MGAT4C: variants seen among roughly 807,000 people sequenced by gnomAD.
MGAT4C encodes the protein alpha-1,3-mannosyl-glycoprotein 4-beta-N-acetylglucosaminyltransferase C.
Under a neutral mutation model 40.1 loss-of-function variants are expected in MGAT4C, and 19 were observed. The observed-to-expected ratio is 0.47, with a 90% confidence interval of 0.33 to 0.70. MGAT4C has a LOEUF of 0.70. MGAT4C is among the 30% of genes least tolerant of loss of function. The probability of loss-of-function intolerance (pLI) is 0.02; values close to 1 mark genes in which losing one functional copy is unlikely to be tolerated. For synonymous variants in MGAT4C, 181 were observed against 187.1 expected, an observed-to-expected ratio of 0.97 and a Z score of 0.27; for missense variants, 491 against 563.2, an observed-to-expected ratio of 0.87 and a Z score of 1.30.
At chr12:86,605,519 C>T (rs1415443075) in intron 2 of MGAT4C, among the ~76,000 whole-genome samples, 1 of 152,070 alleles carries the variant, frequency 6.6e-6, no homozygotes, top group African/African-American at 2.4e-5. Flanking sequence ...CCATATTTTT[C>T]TGAGAGGTCC....
At chr12:86,175,001 T>C (rs777590842) in intron 1 of MGAT4C, among the ~76,000 whole-genome samples, 4 of 152,052 alleles carry the variant, frequency 2.6e-5, no homozygotes, top group Non-Finnish European at 5.9e-5. Context: ...AGAATTGCCA[T>C]GTATAGCATA....
chr12:86,179,176 G>A (rs1887829677), intron 1 of MGAT4C, among the ~76,000 whole-genome samples: 1 of 152,132 alleles, frequency 6.6e-6, no homozygotes, highest in African/African-American at 2.4e-5. Context: ...GATCTGATGG[G>A]TTTATCAGGG....
At chr12:86,391,741 T>C (rs552443282) in intron 3 of MGAT4C, among the ~76,000 whole-genome samples, 1 of 152,118 alleles carries the variant, frequency 6.6e-6, no homozygotes, top group East Asian at 1.9e-4. Flanking sequence ...GTGCCTGTAG[T>C]CCCAGCTACT....
At chr12:86,625,802 T>C (rs1962785887) in intron 2 of MGAT4C, among the ~76,000 whole-genome samples, 1 of 152,118 alleles carries the variant, frequency 6.6e-6, no homozygotes, top group Non-Finnish European at 1.5e-5. Flanking sequence ...TGGAATTATA[T>C]AAATAATCCT....
chr12:86,617,852 A>C (rs936808421), intron 2 of MGAT4C, among the ~76,000 whole-genome samples: 9 of 152,174 alleles, frequency 5.9e-5, no homozygotes, highest in African/African-American at 2.2e-4. Context: ...TTAAAGCAAA[A>C]AATTTCTGCA....
intron 2 of MGAT4C, among the ~76,000 whole-genome samples, chr12:86,441,062 T>C (rs1362820599): frequency 6.6e-6 from 1 of 152,048 alleles, no homozygotes; most frequent in Non-Finnish European, 1.5e-5. Context: ...ACAGATTCAA[T>C]ACAATTTATA....
At chr12:86,774,343 C>CTT (rs1565981678) in intron 1 of MGAT4C, among the ~76,000 whole-genome samples, 138 of 54,438 alleles carry the variant, frequency 2.5e-3, no homozygotes, top group African/African-American at 3.7e-3. Flanking sequence ...TTCTTTCTGT[C>CTT]TCTCTCTCTC....
At chr12:86,244,654 G>C (rs1248179224) in intron 1 of MGAT4C, among the ~76,000 whole-genome samples, 1 of 152,132 alleles carries the variant, frequency 6.6e-6, no homozygotes, top group Non-Finnish European at 1.5e-5. Flanking sequence ...CACAGAGAAG[G>C]CAATGGTCAA....
intron 2 of MGAT4C, among the ~76,000 whole-genome samples, chr12:86,583,857 C>G (rs555526159): frequency 6.6e-6 from 1 of 150,904 alleles, no homozygotes; most frequent in African/African-American, 2.4e-5. Context: ...TCTTTCTTAA[C>G]GTTTTGCAAT....
chr12:86,723,177 G>C (rs918988181), intron 2 of MGAT4C, among the ~76,000 whole-genome samples: 2 of 152,136 alleles, frequency 1.3e-5, no homozygotes, highest in African/African-American at 4.8e-5. Flanking sequence ...AATGTTGCTA[G>C]TTTCATCGTT....
chr12:86,248,503 T>C (rs1218816222), intron 1 of MGAT4C, among the ~76,000 whole-genome samples: 1 of 152,106 alleles, frequency 6.6e-6, no homozygotes, highest in Non-Finnish European at 1.5e-5. Flanking sequence ...CTCTTTCTCA[T>C]GCCAAAGTTA....
At chr12:86,733,851 A>T (rs1036747028) in intron 1 of MGAT4C, among the ~76,000 whole-genome samples, 6 of 152,138 alleles carry the variant, frequency 3.9e-5, no homozygotes, top group African/African-American at 7.2e-5. Context: ...CTCTAAGCAA[A>T]ATGGGAATGT....
chr12:86,127,972 G>T (rs978382188), intron 1 of MGAT4C, among the ~76,000 whole-genome samples: 1 of 152,132 alleles, frequency 6.6e-6, no homozygotes, highest in Non-Finnish European at 1.5e-5. Context: ...ATGCTTAAAA[G>T]TATAGTATAG....
intron 1 of MGAT4C, among the ~76,000 whole-genome samples, chr12:86,173,835 T>G (rs1887106319): frequency 6.6e-6 from 1 of 152,142 alleles, no homozygotes; most frequent in South Asian, 2.1e-4. Flanking sequence ...ACTTTACATT[T>G]CATTTTTGAG....
At chr12:86,088,915 T>C (rs190411130) in intron 1 of MGAT4C, among the ~76,000 whole-genome samples, 1 of 152,214 alleles carries the variant, frequency 6.6e-6, no homozygotes, top group East Asian at 1.9e-4. Flanking sequence ...TTATAGTCTG[T>C]ATTATAGCAA....
intron 1 of MGAT4C, among the ~76,000 whole-genome samples, chr12:86,066,383 C>G (rs917786196): frequency 2.6e-5 from 4 of 151,816 alleles, no homozygotes; most frequent in African/African-American, 9.7e-5. Context: ...AGGAACAGAA[C>G]AGAGGCCTTA....
intron 1 of MGAT4C, among the ~76,000 whole-genome samples, chr12:86,152,823 A>G (rs539889793): frequency 3.3e-5 from 5 of 152,304 alleles, no homozygotes; most frequent in Non-Finnish European, 7.4e-5. Flanking sequence ...AAACCCAAAG[A>G]TAAAGTCCAA....
chr12:86,660,690 C>A (rs538387965), intron 2 of MGAT4C, among the ~76,000 whole-genome samples: 2 of 152,084 alleles, frequency 1.3e-5, no homozygotes, highest in Admixed American at 1.3e-4. Flanking sequence ...TAATATTTAA[C>A]GGTACCCTTT....
At chr12:86,483,704 AT>A (rs1159570854) in intron 2 of MGAT4C, among the ~76,000 whole-genome samples, 1 of 150,828 alleles carries the variant, frequency 6.6e-6, no homozygotes, top group Non-Finnish European at 1.5e-5. Flanking sequence ...GCACTTATTT[AT>A]TTGCAGAACT....
Sources: gnomAD v4.1 joint callset for allele counts (sites outside exome capture counted in the v4.1 genomes callset) on GRCh38, gnomAD v4.1.1 for gene constraint, MANE v1.5 for transcripts, NCBI Gene and HGNC (gene_info 2026-07-23, HGNC 2026-07-21) for gene names.